ADGRG7: variants seen among roughly 807,000 people sequenced by gnomAD.
The protein encoded by ADGRG7 is G-protein coupled receptor 128.
Under a neutral mutation model 88.6 loss-of-function variants are expected in ADGRG7, and 82 were observed. That is an observed-to-expected ratio of 0.93 (90% CI 0.77 to 1.11). The LOEUF (loss-of-function observed/expected upper bound fraction) is 1.11, where lower values mean the gene tolerates loss of function less well. Ranked by LOEUF, ADGRG7 falls within the 50% of genes most tolerant of loss-of-function variation. The pLI, the probability that ADGRG7 is intolerant of heterozygous loss-of-function variation, is 0.00. For missense variants in ADGRG7, 945 were observed against 953.4 expected, an observed-to-expected ratio of 0.99 and a Z score of 0.12; for synonymous variants, 381 against 345.2, an observed-to-expected ratio of 1.10 and a Z score of -1.15.
intron 1 of ADGRG7, 79 bp from the exon 2 acceptor site, chr3:100,629,519 G>GA: frequency 1.1e-6 from 1 of 897,084 alleles, no homozygotes; most frequent in East Asian, 2.5e-5. Context: ...TTTACGTGTA[G>GA]AAATTAAGTG....
Position 100,609,818 on chromosome 3 carries a change from A to G in ADGRG7, c.-39A>G, listed in dbSNP as rs749942845. 2.0e-6 allele frequency: 3 copies of G among 1,467,138 alleles called. No homozygotes were observed. Among genetic ancestry groups the G allele is most frequent in the Admixed American group, 1.7e-5 (1 of 59,380 alleles). The allele number at this position is 1,467,138 out of a possible 1,614,324, so 90.9% of individuals were successfully genotyped here. ...AGCTCAAGAAGAAAAGAAGCTAGTT[A>G]TTTCTCACCCAGGAGTGGATTTGTG... On this transcript the variant is annotated 5_prime_UTR_variant, in exon 1 of 16. Transcript: ENST00000273352.
chr3:100,639,299 A>G (rs1428348104), intron 6 of ADGRG7, among the ~76,000 whole-genome samples: 3 of 152,112 alleles, frequency 2.0e-5, no homozygotes, highest in Admixed American at 2.0e-4. Flanking sequence ...CATAATCTTT[A>G]TTTACACGAC....
rs1707749174 is a variant in ADGRG7 at position 100,646,505 on chromosome 3, T to G, written c.1111-64T>G. 6 of 1,349,780 alleles carry G rather than the reference T, an allele frequency of 4.4e-6. No individual in the cohort carries two copies. The Admixed American group carries it at 1.1e-4, about 25-fold the overall frequency. The allele number at this position is 1,349,780 out of a possible 1,614,324, so 83.6% of individuals were successfully genotyped here. ...TCTCAGATGACTGTCTTATACTACT[T>G]GATTTTTTTTAACCCAATTAAGTAT... is the stretch of plus-strand genomic sequence containing the variant. On this transcript the variant is annotated intron_variant, in intron 9 of 15. Coordinates refer to ENST00000273352, the MANE Select transcript of ADGRG7 (RefSeq NM_032787.3).
At chr3:100,673,220 A>G (rs1270297959) in intron 15 of ADGRG7, among the ~76,000 whole-genome samples, 1 of 152,132 alleles carries the variant, frequency 6.6e-6, no homozygotes, top group Admixed American at 6.5e-5. Flanking sequence ...TTGGTAGGCT[A>G]TTAATTACTG....
chr3:100,622,160 G>T (rs1270832901), intron 1 of ADGRG7, among the ~76,000 whole-genome samples: 5 of 152,102 alleles, frequency 3.3e-5, no homozygotes, highest in African/African-American at 4.8e-5. Flanking sequence ...GGTACCCGGG[G>T]CTGGGGACCC....
intron 15 of ADGRG7, among the ~76,000 whole-genome samples, chr3:100,691,942 G>A (rs2094994675): frequency 6.6e-6 from 1 of 152,088 alleles, no homozygotes; most frequent in Admixed American, 6.6e-5. Flanking sequence ...TAACATCTTT[G>A]TTCAATATCA....
intron 1 of ADGRG7, among the ~76,000 whole-genome samples, chr3:100,624,585 G>T (rs929117393): frequency 6.6e-6 from 1 of 152,116 alleles, no homozygotes; most frequent in Non-Finnish European, 1.5e-5. Flanking sequence ...ATTGCTTTTG[G>T]TGTTTTCATC....
At chr3:100,679,159 C>T (rs1310821608) in intron 15 of ADGRG7, among the ~76,000 whole-genome samples, 1 of 152,184 alleles carries the variant, frequency 6.6e-6, no homozygotes, top group Non-Finnish European at 1.5e-5. Flanking sequence ...GCTGAGCTGG[C>T]ACTCAAACCA....
rs573223215 is a variant in ADGRG7 at position 100,650,596 on chromosome 3, A to C, written c.1379+789A>C. ...CAGGTTAATTATTTTTGGTGGGAATACTGCAATCATGGAATTTTTTTTAGT... is the reference window on the plus strand; with the variant it reads ...CAGGTTAATTATTTTTGGTGGGAATCCTGCAATCATGGAATTTTTTTTAGT... On this transcript the variant is annotated intron_variant, in intron 11 of 15. Coordinates refer to ENST00000273352, the MANE Select transcript of ADGRG7 (RefSeq NM_032787.3). Among the ~76,000 whole-genome samples the C allele has an allele frequency of 2.6e-5, 4 of 152,346 alleles. No individual in the cohort carries two copies. In the South Asian group the frequency reaches 6.2e-4, roughly 24 times the overall value.
chr3:100,666,310 A>G (rs1366592906), intron 14 of ADGRG7, among the ~76,000 whole-genome samples: 1 of 152,118 alleles, frequency 6.6e-6, no homozygotes, highest in African/African-American at 2.4e-5. Flanking sequence ...TTCCCTTAGT[A>G]TTTATTGATC....
At chr3:100,671,754 A>G in intron 15 of ADGRG7, among the ~76,000 whole-genome samples, 1 of 152,182 alleles carries the variant, frequency 6.6e-6, no homozygotes, top group South Asian at 2.1e-4. Flanking sequence ...GAAGGGGTCC[A>G]GTTTCAGTTT....
chr3:100,635,725 A>C lies in ADGRG7; in HGVS notation c.496A>C (p.Ile166Leu), dbSNP rs1237408633. 6.2e-7 allele frequency: 1 copy of C among 1,614,066 alleles called. No individual in the cohort carries two copies. Residue 166 changes from isoleucine to leucine, a missense_variant, in exon 5 of 16, where the codon ATT (isoleucine) becomes CTT (leucine). By Grantham distance (5) the Ile-to-Leu change is conservative. Coordinates refer to ENST00000273352, the MANE Select transcript of ADGRG7 (RefSeq NM_032787.3). The part of the protein sequence containing the change: ...PLNNISSEVQ[I>L]LTSDANKLTA... The stretch of plus-strand genomic sequence containing the variant: ...TAATAACATTTCTTCTGAAGTCCAG[A>C]TTTTAACATCTGATGCCAATAAATT...
At chr3:100,615,251 C>A (rs1298581776) in intron 1 of ADGRG7, among the ~76,000 whole-genome samples, 1 of 152,098 alleles carries the variant, frequency 6.6e-6, no homozygotes, top group African/African-American at 2.4e-5. Context: ...TTTTCAAGAT[C>A]ATAATTCTAA....
At position 100,669,075 on chromosome 3, in the gene ADGRG7, C is replaced by T. The variant is rs2094955140; in HGVS notation, c.2106C>T (p.Ser702=). ...ATGATAGCATCAGGATCGTCTTCAG[C>T]TACATATTCTGCCTTTTCAACACTA... The part of the protein sequence containing the change: ...VNDDSIRIVF[S]YIFCLFNTTQ... Residue 702 remains serine, a synonymous_variant, in exon 15 of 16, where the codon AGC becomes AGT. Coordinates refer to ENST00000273352, the MANE Select transcript of ADGRG7 (RefSeq NM_032787.3). 6.3e-7 allele frequency: 1 copy of T among 1,594,206 alleles called. No individual in the cohort carries two copies. The highest frequency in any genetic ancestry group is 8.5e-7 in the Non-Finnish European group (1 of 1,171,936).
At chr3:100,657,302 A>C (rs749511639) in intron 13 of ADGRG7, among the ~76,000 whole-genome samples, 2 of 152,118 alleles carry the variant, frequency 1.3e-5, no homozygotes, top group African/African-American at 4.8e-5. Context: ...GAAACTCAGG[A>C]GGGATTATTT....
At chr3:100,665,197 A>G in intron 14 of ADGRG7, 1 of 540,016 alleles carries the variant, frequency 1.9e-6, no homozygotes, top group South Asian at 1.4e-5. Flanking sequence ...GCTTACATCC[A>G]ACAGGACTGG....
chr3:100,654,862 G>T lies in ADGRG7; in HGVS notation c.1407G>T (p.Trp469Cys). Reference sequence around the variant, plus strand: ...AAGTCAGAAAAACCTCAGTAACCTGGGTTTTGGTCAATCTGTGCATATCAA... The same window carrying T: ...AAGTCAGAAAAACCTCAGTAACCTGTGTTTTGGTCAATCTGTGCATATCAA... The part of the protein sequence containing the change: ...TRKVRKTSVT[W>C]VLVNLCISML... Residue 469 changes from tryptophan (W) to cysteine (C), a missense_variant, in exon 12 of 16, where the codon TGG becomes TGT. Transcript: ENST00000273352. 3 of 1,584,342 alleles carry T rather than the reference G, an allele frequency of 1.9e-6. No homozygotes were observed. The highest frequency in any genetic ancestry group is 1.1e-5 in the South Asian group (1 of 87,190).
intron 1 of ADGRG7, among the ~76,000 whole-genome samples, chr3:100,627,071 T>C (rs1249844272): frequency 6.6e-6 from 1 of 152,214 alleles, no homozygotes; most frequent in African/African-American, 2.4e-5. Context: ...TTCTTTTTCC[T>C]GCGTATTGCA....
chr3:100,666,967 G>C (rs577422809), intron 14 of ADGRG7, among the ~76,000 whole-genome samples: 5 of 152,238 alleles, frequency 3.3e-5, no homozygotes, highest in African/African-American at 9.6e-5. Flanking sequence ...GGGGTTGGGG[G>C]TAAGGTCATA....
Sources: gnomAD v4.1 joint callset for allele counts (sites outside exome capture counted in the v4.1 genomes callset) on GRCh38, gnomAD v4.1.1 for gene constraint, MANE v1.5 for transcripts, NCBI Gene and HGNC (gene_info 2026-07-23, HGNC 2026-07-21) for gene names.